The following SDK1 variants were observed in gnomAD, a reference collection of about 807,000 sequenced individuals.
SDK1 encodes the protein sidekick cell adhesion molecule 1.
In SDK1, 157 loss-of-function variants were observed where a neutral mutation model predicts 245.5. That is an observed-to-expected ratio of 0.64 (90% CI 0.56 to 0.73). The LOEUF (loss-of-function observed/expected upper bound fraction) is 0.73, where lower values mean the gene tolerates loss of function less well. Among genes scored for constraint, SDK1 ranks in the 30% least tolerant of loss-of-function variants. SDK1 has a pLI of 0.00. For synonymous variants in SDK1, 1,647 were observed against 1,278.5 expected (o/e 1.29, Z -6.15); for missense variants, 3,583 against 3,002.3 (o/e 1.19, Z -4.52).
In SDK1 at chr7:3,627,950, C is replaced by T. The variant is rs561379369; in HGVS notation, c.458+8711C>T. On this transcript the variant is annotated intron_variant, in intron 2 of 44. Transcript: ENST00000404826. ...CCATCAGCCAAGCCATTTGTTACTGCCCAAGTGTCTCTTTATATCCATTCT... is the reference window on the plus strand; with the variant it reads ...CCATCAGCCAAGCCATTTGTTACTGTCCAAGTGTCTCTTTATATCCATTCT... Among the ~76,000 whole-genome samples, 57 of 152,280 alleles carry T rather than the reference C, an allele frequency of 3.7e-4. 1 individual carries two copies. The South Asian group carries it at 0.01, about 27-fold the overall frequency.
chr7:3,987,169 A>G lies in SDK1; in HGVS notation c.1995-17A>G, dbSNP rs1783920233. ...ATGTGTTTTCCTCTTTTTCCTTTTC[A>G]TCCCATTCAATTCAAGTGAACTGCC... On this transcript the variant is annotated splice_polypyrimidine_tract_variant and intron_variant, in intron 13 of 44. Coordinates refer to ENST00000404826, the MANE Select transcript of SDK1 (RefSeq NM_152744.4). 7 of 1,612,748 alleles carry G rather than the reference A, an allele frequency of 4.3e-6. No individual in the cohort carries two copies. The highest frequency in any genetic ancestry group is 2.7e-5 in the African/African-American group (2 of 74,836).
chr7:3,959,727 G>A (rs1781528767), intron 8 of SDK1, among the ~76,000 whole-genome samples: 1 of 152,038 alleles, frequency 6.6e-6, no homozygotes, highest in African/African-American at 2.4e-5. Context: ...TGCCATCCAG[G>A]TTGCTGCAAA....
chr7:3,782,097 G>A (rs1002405386), intron 4 of SDK1, among the ~76,000 whole-genome samples: 1 of 152,176 alleles, frequency 6.6e-6, no homozygotes, highest in Non-Finnish European at 1.5e-5. Flanking sequence ...CCCAAGACTG[G>A]GTAATTTATG....
intron 1 of SDK1, among the ~76,000 whole-genome samples, chr7:3,464,168 A>G (rs1423467596): frequency 1.3e-5 from 2 of 152,176 alleles, no homozygotes; most frequent in African/African-American, 4.8e-5. Flanking sequence ...CTATACATAC[A>G]TGTTCCAAGT....
chr7:3,564,159 ACAAAG>A (rs1193420406), intron 1 of SDK1, among the ~76,000 whole-genome samples: 1 of 148,390 alleles, frequency 6.7e-6, no homozygotes, highest in Non-Finnish European at 1.5e-5. Context: ...TAAAAAGAAC[ACAAAG>A]CAAATTTCAA....
intron 31 of SDK1, among the ~76,000 whole-genome samples, chr7:4,160,806 C>G (rs1172090025): frequency 1.3e-5 from 2 of 152,126 alleles, no homozygotes; most frequent in African/African-American, 4.8e-5. Flanking sequence ...AGACCCATCC[C>G]TAAAACAGAA....
chr7:4,212,629 G>T, intron 38 of SDK1, among the ~76,000 whole-genome samples: 1 of 152,162 alleles, frequency 6.6e-6, no homozygotes, highest in Non-Finnish European at 1.5e-5. Flanking sequence ...TGCCTTCGAG[G>T]TCCCACAGCA....
intron 5 of SDK1, among the ~76,000 whole-genome samples, chr7:3,825,666 A>G (rs948744863): frequency 6.6e-6 from 1 of 152,224 alleles, no homozygotes; most frequent in Admixed American, 6.5e-5. Flanking sequence ...CTATAATGCT[A>G]ATTTAACTGC....
chr7:3,738,116 C>T (rs944978194), intron 4 of SDK1, among the ~76,000 whole-genome samples: 5 of 152,230 alleles, frequency 3.3e-5, no homozygotes, highest in African/African-American at 1.2e-4. Flanking sequence ...TCCAAGAAAT[C>T]ACTGCTAAAT....
At chr7:3,685,832 G>A (rs1381630803) in intron 4 of SDK1, among the ~76,000 whole-genome samples, 1 of 151,748 alleles carries the variant, frequency 6.6e-6, no homozygotes, top group Non-Finnish European at 1.5e-5. Context: ...TCAACCTATA[G>A]GAAGATAAGA....
chr7:3,431,366 T>G (rs933853794), intron 1 of SDK1, among the ~76,000 whole-genome samples: 1 of 150,832 alleles, frequency 6.6e-6, no homozygotes, highest in East Asian at 1.9e-4. Context: ...AGGTTTTTTT[T>G]TTTTTTTTTT....
intron 14 of SDK1, among the ~76,000 whole-genome samples, chr7:4,002,204 CT>C (rs1333511578): frequency 6.6e-5 from 10 of 152,052 alleles, no homozygotes; most frequent in Middle Eastern, 6.8e-3. Flanking sequence ...CCAAGAGAAG[CT>C]TTTTCGTAGC....
chr7:4,220,586 T>G (rs975546319), intron 39 of SDK1, among the ~76,000 whole-genome samples: 3 of 148,694 alleles, frequency 2.0e-5, no homozygotes, highest in Admixed American at 1.3e-4. Context: ...ATCAGAAAAT[T>G]TTAAAGTTTT....
intron 1 of SDK1, among the ~76,000 whole-genome samples, chr7:3,392,839 C>T (rs188716985): frequency 7.9e-5 from 12 of 151,988 alleles, no homozygotes; most frequent in East Asian, 3.9e-4. Flanking sequence ...ATGCGTATAT[C>T]GCATTTCGTG....
rs896062361 is a variant in SDK1 at position 4,049,213 on chromosome 7, T to G, written c.2603-135T>G. The G allele has an allele frequency of 1.4e-5, 9 of 632,754 alleles. No individual in the cohort carries two copies. The South Asian group carries it at 1.7e-4, about 12-fold the overall frequency. 39.2% of individuals were successfully genotyped at this position (632,754 alleles called of 1,614,324 possible). ...TGCCACTGTAAGCTTCCCAAAACAT[T>G]CATCACACTTCCTCGGTCTCAGTGC... is the stretch of plus-strand genomic sequence containing the variant. On this transcript the variant is annotated intron_variant, in intron 17 of 44. Coordinates refer to ENST00000404826, the MANE Select transcript of SDK1 (RefSeq NM_152744.4).
Position 4,079,083 on chromosome 7 carries a change from C to T in SDK1, c.3203-380C>T, listed in dbSNP as rs533595052. ...ATTATGAAAGGAAGTACGGCCCGCT[C>T]GTTCTCTGTGTGGTTTGAGGAGCCA... On this transcript the variant is annotated intron_variant, in intron 21 of 44. Coordinates refer to ENST00000404826, the MANE Select transcript of SDK1 (RefSeq NM_152744.4). Among the ~76,000 whole-genome samples, 8 of 152,312 alleles carry T rather than the reference C, an allele frequency of 5.3e-5. No individual in the cohort carries two copies. In the East Asian group the frequency reaches 1.2e-3, roughly 22 times the overall value.
At chr7:4,003,669 C>T (rs11973199) in intron 14 of SDK1, among the ~76,000 whole-genome samples, 1,707 of 152,354 alleles carry the variant, frequency 0.011, 31 homozygotes, top group African/African-American at 0.039. Context: ...CAACGTGACT[C>T]ATCACTGCTG....
intron 4 of SDK1, among the ~76,000 whole-genome samples, chr7:3,664,650 G>A (rs911092556): frequency 4.6e-5 from 7 of 150,834 alleles, no homozygotes; most frequent in African/African-American, 1.7e-4. Context: ...TGAGGCACAA[G>A]AATCGCTTGA....
rs79794937 is a variant in SDK1 at position 3,790,940 on chromosome 7, G to C, written c.714-30510G>C. On this transcript the variant is annotated intron_variant, in intron 4 of 44. Transcript: ENST00000404826. ...AAATTAACTTGACAGTAATCAAAGA[G>C]GTAGCCACCCTGCTTGGTTTGAATC... is the stretch of plus-strand genomic sequence containing the variant. Among the ~76,000 whole-genome samples, 845 of 152,148 alleles carry C rather than the reference G, an allele frequency of 5.6e-3. 9 individuals are homozygous for C. Among genetic ancestry groups the C allele is most frequent in the African/African-American group, 0.02 (812 of 41,510 alleles).
Sources: gnomAD v4.1 joint callset for allele counts (sites outside exome capture counted in the v4.1 genomes callset) on GRCh38, gnomAD v4.1.1 for gene constraint, MANE v1.5 for transcripts, NCBI Gene and HGNC (gene_info 2026-07-23, HGNC 2026-07-21) for gene names.